The following CCDC148 variants were observed in gnomAD, a reference collection of about 807,000 sequenced individuals.
The protein encoded by CCDC148 is coiled-coil domain containing 148.
In CCDC148, 89 loss-of-function variants were observed where a neutral mutation model predicts 85.7. That is an observed-to-expected ratio of 1.04 (90% CI 0.87 to 1.24). The LOEUF is 1.24. CCDC148 is among the 50% of genes most tolerant of loss of function. The probability of loss-of-function intolerance (pLI) is 0.00; values close to 1 mark genes in which losing one functional copy is unlikely to be tolerated. For synonymous variants in CCDC148, 230 were observed against 213.9 expected (o/e 1.08, Z -0.66); for missense variants, 692 against 671.7 (o/e 1.03, Z -0.33).
At chr2:158,351,955 AG>A (rs2105257834) in intron 2 of CCDC148, among the ~76,000 whole-genome samples, 1 of 145,786 alleles carries the variant, frequency 6.9e-6, no homozygotes, top group Admixed American at 6.7e-5. Context: ...GGCACCCCCC[AG>A]CAGGGGCACA....
At chr2:158,442,862 A>T (rs962501840) in intron 1 of CCDC148, among the ~76,000 whole-genome samples, 4 of 152,214 alleles carry the variant, frequency 2.6e-5, no homozygotes, top group African/African-American at 7.2e-5. Context: ...CATTTTGCAG[A>T]TGGAGAAGCT....
chr2:158,211,308 C>A lies in CCDC148; in HGVS notation c.1370+9287G>T, dbSNP rs377096106. On this transcript the variant is annotated intron_variant, in intron 11 of 13. Coordinates refer to ENST00000283233, the MANE Select transcript of CCDC148 (RefSeq NM_138803.4). ...AGAGGAGAATTTGAGATAATTGATTCTCAAAAAGATCACAGCACCTAGATG... is the reference window on the plus strand; with the variant it reads ...AGAGGAGAATTTGAGATAATTGATTATCAAAAAGATCACAGCACCTAGATG... Among the ~76,000 whole-genome samples, 20 of 152,224 alleles carry A rather than the reference C, an allele frequency of 1.3e-4. No homozygotes were observed. The South Asian group carries it at 4.2e-3, about 32-fold the overall frequency.
intron 10 of CCDC148, among the ~76,000 whole-genome samples, chr2:158,227,403 T>A (rs1574445721): frequency 6.6e-6 from 1 of 152,048 alleles, no homozygotes; most frequent in Non-Finnish European, 1.5e-5. Context: ...ATAGATTCAA[T>A]GCCATCCCCA....
chr2:158,377,972 C>G (rs912114188), intron 1 of CCDC148, among the ~76,000 whole-genome samples: 1 of 152,038 alleles, frequency 6.6e-6, no homozygotes. Context: ...ATTAATAACC[C>G]TACAATGTCC....
chr2:158,423,170 C>A (rs1030954495), intron 1 of CCDC148, among the ~76,000 whole-genome samples: 3 of 152,030 alleles, frequency 2.0e-5, no homozygotes, highest in African/African-American at 7.2e-5. Flanking sequence ...GTAATTTATA[C>A]ATTCAATGCC....
chr2:158,239,871 A>G (rs12473515), intron 10 of CCDC148, among the ~76,000 whole-genome samples: 50,263 of 150,424 alleles, frequency 0.33, 10,057 homozygotes, highest in South Asian at 0.59. Context: ...TATCCTGATA[A>G]TTAATTTACC....
intron 1 of CCDC148, among the ~76,000 whole-genome samples, chr2:158,443,515 A>AAAAAAAAAAAAAAAAAGAAAAG (rs1553524474): frequency 2.0e-5 from 2 of 100,898 alleles, no homozygotes; most frequent in Non-Finnish European, 4.0e-5. Context: ...AAAAAAAAAA[A>AAAAAAAAAAAAAAAAAGAAAAG]AAAAAAAAGA....
chr2:158,250,058 T>C (rs1228588674), intron 10 of CCDC148, among the ~76,000 whole-genome samples: 8 of 152,120 alleles, frequency 5.3e-5, no homozygotes, highest in Non-Finnish European at 1.2e-4. Flanking sequence ...ATATATCTGA[T>C]TAAATGTCTA....
At chr2:158,341,943 TA>T (rs1338934304) in intron 3 of CCDC148, among the ~76,000 whole-genome samples, 1 of 151,006 alleles carries the variant, frequency 6.6e-6, no homozygotes, top group Non-Finnish European at 1.5e-5. Context: ...ACTTTTTTTT[TA>T]GATATTTCTA....
intron 2 of CCDC148, among the ~76,000 whole-genome samples, chr2:158,346,717 TTAAAG>T (rs1184999471): frequency 6.6e-6 from 1 of 152,192 alleles, no homozygotes; most frequent in Middle Eastern, 3.2e-3. Flanking sequence ...TTCTCTGCTG[TTAAAG>T]TACTTAGTAC....
At chr2:158,321,562 G>A (rs570670050) in intron 7 of CCDC148, among the ~76,000 whole-genome samples, 10 of 152,240 alleles carry the variant, frequency 6.6e-5, no homozygotes, top group African/African-American at 2.4e-4. Context: ...AATGCCACAT[G>A]GGAATTAGGG....
chr2:158,298,749 A>G (rs931901742), intron 9 of CCDC148, among the ~76,000 whole-genome samples: 4 of 152,180 alleles, frequency 2.6e-5, no homozygotes, highest in African/African-American at 9.7e-5. Context: ...ACTGAAATAC[A>G]TATTTTCATT....
intron 7 of CCDC148, among the ~76,000 whole-genome samples, chr2:158,331,759 A>T (rs1693139678): frequency 6.6e-6 from 1 of 152,156 alleles, no homozygotes; most frequent in Non-Finnish European, 1.5e-5. Context: ...ACCATTATGT[A>T]ATCACCTTCT....
intron 7 of CCDC148, among the ~76,000 whole-genome samples, chr2:158,324,862 T>C (rs2105224644): frequency 6.6e-6 from 1 of 152,164 alleles, no homozygotes; most frequent in African/African-American, 2.4e-5. Context: ...ACCATGAACA[T>C]CTATTCATTC....
At chr2:158,227,077 C>T (rs1687581311) in intron 10 of CCDC148, among the ~76,000 whole-genome samples, 1 of 152,140 alleles carries the variant, frequency 6.6e-6, no homozygotes. Context: ...AGCCCAAAAT[C>T]TCCTTAAGCT....
chr2:158,233,043 A>G (rs1183591984), intron 10 of CCDC148, among the ~76,000 whole-genome samples: 1 of 152,178 alleles, frequency 6.6e-6, no homozygotes, highest in East Asian at 1.9e-4. Flanking sequence ...TAAAGAAATG[A>G]TACATGTTTG....
At chr2:158,315,373 A>C (rs1206706153) in intron 7 of CCDC148, among the ~76,000 whole-genome samples, 2 of 152,228 alleles carry the variant, frequency 1.3e-5, no homozygotes, top group Non-Finnish European at 2.9e-5. Flanking sequence ...TTTTAATAGC[A>C]GAGTTAGCCA....
intron 10 of CCDC148, among the ~76,000 whole-genome samples, chr2:158,223,097 G>A (rs1185968294): frequency 6.6e-6 from 1 of 152,140 alleles, no homozygotes; most frequent in Non-Finnish European, 1.5e-5. Flanking sequence ...ACAGCACCTG[G>A]AAAATCGGGT....
At chr2:158,327,702 A>G (rs1559072630) in intron 7 of CCDC148, among the ~76,000 whole-genome samples, 1 of 152,206 alleles carries the variant, frequency 6.6e-6, no homozygotes, top group Admixed American at 6.5e-5. Context: ...TAATATTTTA[A>G]TCCTGTGAAT....
Sources: gnomAD v4.1 joint callset for allele counts (sites outside exome capture counted in the v4.1 genomes callset) on GRCh38, gnomAD v4.1.1 for gene constraint, MANE v1.5 for transcripts, NCBI Gene and HGNC (gene_info 2026-07-23, HGNC 2026-07-21) for gene names.